LAMA2: variants seen among roughly 807,000 people sequenced by gnomAD.
LAMA2 encodes the protein laminin subunit alpha 2, also known as laminin subunit alpha-2.
In LAMA2, 269 loss-of-function variants were observed where a neutral mutation model predicts 364.8. The ratio of observed to expected loss-of-function variants is 0.74; its 90% confidence interval spans 0.67 to 0.82. LAMA2 has a LOEUF of 0.82. LAMA2 is among the 40% of genes least tolerant of loss of function. The pLI is 0.00. For missense variants in LAMA2, 3,807 were observed against 3,873.2 expected (o/e 0.98, Z 0.45); for synonymous variants, 1,379 against 1,370.6 (o/e 1.01, Z -0.14).
chr6:129,220,574 TTATC>T (rs1783756613), intron 12 of LAMA2, among the ~76,000 whole-genome samples: 1 of 152,232 alleles, frequency 6.6e-6, no homozygotes, highest in African/African-American at 2.4e-5. Context: ...GAAAATATAA[TTATC>T]TAACTTATTT....
chr6:129,025,017 A>G (rs1274543728), intron 1 of LAMA2, among the ~76,000 whole-genome samples: 1 of 152,210 alleles, frequency 6.6e-6, no homozygotes, highest in Admixed American at 6.5e-5. Context: ...AAAATTTAAA[A>G]ATTAACTTAG....
intron 58 of LAMA2, among the ~76,000 whole-genome samples, chr6:129,495,393 T>C (rs149055720): frequency 2.0e-5 from 3 of 152,296 alleles, no homozygotes; most frequent in Admixed American, 6.5e-5. Flanking sequence ...AAATTTGAAA[T>C]ATTCCCTTCA....
intron 12 of LAMA2, among the ~76,000 whole-genome samples, chr6:129,248,024 T>C (rs554647595): frequency 6.6e-6 from 1 of 152,256 alleles, no homozygotes; most frequent in East Asian, 1.9e-4. Flanking sequence ...CTGTTAAGAA[T>C]TGGGCGGCAC....
At chr6:129,225,959 G>T (rs1303056476) in intron 12 of LAMA2, among the ~76,000 whole-genome samples, 7 of 152,114 alleles carry the variant, frequency 4.6e-5, no homozygotes, top group African/African-American at 1.7e-4. Context: ...TTATTATTGT[G>T]TGGGAGTCTA....
chr6:129,452,461 ATTC>A (rs1782726603), intron 45 of LAMA2, among the ~76,000 whole-genome samples: 1 of 152,194 alleles, frequency 6.6e-6, no homozygotes, highest in Admixed American at 6.6e-5. Context: ...AATGATTAAT[ATTC>A]TTCTTATTGT....
chr6:129,516,021 G>A (rs1787037654), intron 64 of LAMA2, among the ~76,000 whole-genome samples, 169 bp from the exon 65 acceptor site: 1 of 131,788 alleles, frequency 7.6e-6, no homozygotes, highest in Non-Finnish European at 1.8e-5. Context: ...ATTTTAAGTT[G>A]ATCTTTCTTT....
At chr6:129,285,012 A>C (rs1670156948) in intron 18 of LAMA2, among the ~76,000 whole-genome samples, 1 of 152,172 alleles carries the variant, frequency 6.6e-6, no homozygotes. Context: ...TGCCTTGCAT[A>C]TGAAAATGAG....
At position 129,249,796 on chromosome 6, in the gene LAMA2, C is replaced by G. The variant is rs139761526; in HGVS notation, c.1783-316C>G. Among the ~76,000 whole-genome samples the G allele has an allele frequency of 2.5e-3, 388 of 152,238 alleles. 3 individuals carry two copies. Among genetic ancestry groups the G allele is most frequent in the African/African-American group, 8.9e-3 (369 of 41,546 alleles). On this transcript the variant is annotated intron_variant, in intron 12 of 64. Coordinates refer to ENST00000421865, the MANE Select transcript of LAMA2 (RefSeq NM_000426.4). ...TTCTCTGTTTGGGATTTGTAAAGCT[C>G]AAACTGTAGACTAAGATGATGACAG...
At chr6:129,085,952 CT>C (rs1774357286) in intron 3 of LAMA2, among the ~76,000 whole-genome samples, 1 of 152,162 alleles carries the variant, frequency 6.6e-6, no homozygotes, top group South Asian at 2.1e-4. Flanking sequence ...GCATCATCTC[CT>C]CTCCTTGTTT....
At chr6:129,345,216 G>C (rs1025108963) in intron 30 of LAMA2, among the ~76,000 whole-genome samples, 1 of 152,124 alleles carries the variant, frequency 6.6e-6, no homozygotes, top group African/African-American at 2.4e-5. Flanking sequence ...GGAATAGTTG[G>C]TTCCTGGTGT....
intron 32 of LAMA2, among the ~76,000 whole-genome samples, chr6:129,357,428 A>G (rs897332432): frequency 6.6e-6 from 1 of 152,040 alleles, no homozygotes; most frequent in African/African-American, 2.4e-5. Context: ...GGTGTTGCCT[A>G]TTTTTAATCA....
At chr6:129,206,016 C>A (rs1782620486) in intron 12 of LAMA2, among the ~76,000 whole-genome samples, 1 of 142,636 alleles carries the variant, frequency 7.0e-6, no homozygotes, top group African/African-American at 2.6e-5. Context: ...GACTGAGACT[C>A]CATCTCAAAA....
At chr6:128,910,891 C>G (rs1395923757) in intron 1 of LAMA2, among the ~76,000 whole-genome samples, 2 of 151,584 alleles carry the variant, frequency 1.3e-5, no homozygotes, top group East Asian at 1.9e-4. Flanking sequence ...TTGGAGTACC[C>G]TGCCATGTGA....
intron 37 of LAMA2, among the ~76,000 whole-genome samples, chr6:129,397,026 C>T (rs1231051855): frequency 6.7e-6 from 1 of 148,758 alleles, no homozygotes; most frequent in African/African-American, 2.5e-5. Flanking sequence ...TAAAAGAAAA[C>T]AATAATAGAC....
intron 4 of LAMA2, among the ~76,000 whole-genome samples, chr6:129,107,071 T>G (rs1389462341): frequency 6.6e-6 from 1 of 151,928 alleles, no homozygotes; most frequent in African/African-American, 2.4e-5. Flanking sequence ...AGGGTAAGCT[T>G]CTGTTAAGCT....
rs560841755 is a variant in LAMA2, at chr6:129,330,572, C to T, written c.4311+2160C>T. On this transcript the variant is annotated intron_variant, in intron 29 of 64. Transcript: ENST00000421865. ...GTGCCTCTCTGGTCTCCATTTGAAG[C>T]GTTTTTTTGTTGTTGTTTGGTTTTT... Among the ~76,000 whole-genome samples the T allele has an allele frequency of 3.2e-5, 4 of 123,336 alleles. No individual in the cohort carries two copies. The South Asian group carries it at 7.8e-4, about 24-fold the overall frequency. 80.9% of individuals were successfully genotyped at this position (123,336 alleles called of 152,430 possible). A position where few individuals can be genotyped will look rare whatever the true frequency, so the allele number is the denominator to read the frequency against.
rs189353763 is a variant in LAMA2, at chr6:129,388,060, C to G, written c.5072-3431C>G. ...ATCACCTGAGGTCAGGCGTTCAAGA[C>G]CAGCCTGGCCAACATGGCAAAACCC... On this transcript the variant is annotated intron_variant, in intron 35 of 64. Transcript: ENST00000421865. 7.3e-3 allele frequency among the ~76,000 whole-genome samples: 1,112 copies of G among 152,228 alleles called. 14 individuals are homozygous for G. Among genetic ancestry groups the G allele is most frequent in the African/African-American group, 0.025 (1,048 of 41,528 alleles).
chr6:129,418,494 T>C (rs1471381445), intron 40 of LAMA2, among the ~76,000 whole-genome samples: 1 of 152,156 alleles, frequency 6.6e-6, no homozygotes, highest in Admixed American at 6.5e-5. Flanking sequence ...ATACGGAAGT[T>C]GAACAGAATA....
At chr6:129,273,126 G>A (rs767602927) in intron 17 of LAMA2, among the ~76,000 whole-genome samples, 28 of 152,220 alleles carry the variant, frequency 1.8e-4, no homozygotes, top group Middle Eastern at 3.4e-3. Flanking sequence ...TACTATAGGA[G>A]AACAAATGAA....
Sources: allele counts gnomAD v4.1 joint callset (sites outside exome capture counted in the v4.1 genomes callset), GRCh38; gene constraint gnomAD v4.1.1; transcripts MANE v1.5; gene names NCBI Gene and HGNC (gene_info 2026-07-23, HGNC 2026-07-21).